Variants in ASIC2 observed in about 807,000 individuals in gnomAD.
ASIC2 encodes acid sensing ion channel subunit 2.
A neutral mutation model predicts 57.3 loss-of-function variants in ASIC2; 25 were observed. That is an observed-to-expected ratio of 0.44 (90% confidence interval 0.32 to 0.61). The LOEUF (loss-of-function observed/expected upper bound fraction) is 0.61. Among genes scored for constraint, ASIC2 ranks in the 20% least tolerant of loss-of-function variants. ASIC2 has a pLI of 0.06. For missense variants in ASIC2, 641 were observed against 738.1 expected (o/e 0.87, Z 1.52); for synonymous variants, 319 against 307.5 (o/e 1.04, Z -0.39).
In ASIC2 at chr17:33,132,461, TG is replaced by T. The variant is rs1197886066; in HGVS notation, c.709-20395del. Reference sequence around the variant, plus strand: ...TAACATTCAAGCAGAGTGAGGTGGCTGGGGGCCAGTTGTTTTCAGGTCCCCC... The same window carrying T: ...TAACATTCAAGCAGAGTGAGGTGGCTGGGGCCAGTTGTTTTCAGGTCCCCC... On this transcript the variant is annotated intron_variant, in intron 1 of 9. Coordinates refer to ENST00000225823, the MANE Select transcript of ASIC2 (RefSeq NM_183377.2). 2.6e-5 allele frequency among the ~76,000 whole-genome samples: 4 copies of T among 152,158 alleles called. No homozygotes were observed. The East Asian group carries it at 7.7e-4, about 29-fold the overall frequency.
At chr17:33,850,042 C>T (rs1271987983) in intron 1 of ASIC2, among the ~76,000 whole-genome samples, 1 of 152,204 alleles carries the variant, frequency 6.6e-6, no homozygotes, top group Non-Finnish European at 1.5e-5. Flanking sequence ...GAGGGGGAAA[C>T]ACATCCCGAA....
chr17:33,127,096 C>T (rs976419673), intron 1 of ASIC2, among the ~76,000 whole-genome samples: 3 of 151,562 alleles, frequency 2.0e-5, no homozygotes, highest in African/African-American at 4.9e-5. Context: ...GTCTCGATCT[C>T]CTGACCTCAT....
chr17:33,505,973 T>C (rs1914237798), intron 1 of ASIC2, among the ~76,000 whole-genome samples: 1 of 152,204 alleles, frequency 6.6e-6, no homozygotes, highest in South Asian at 2.1e-4. Context: ...TTTTTAAAAA[T>C]CTCTGCATAT....
chr17:33,484,742 G>T (rs1290662769), intron 1 of ASIC2, among the ~76,000 whole-genome samples: 1 of 152,184 alleles, frequency 6.6e-6, no homozygotes, highest in African/African-American at 2.4e-5. Flanking sequence ...GGTAGAAGCA[G>T]CTTTCCACAA....
chr17:33,736,347 A>G (rs1047168584), intron 1 of ASIC2, among the ~76,000 whole-genome samples: 5 of 152,136 alleles, frequency 3.3e-5, no homozygotes, highest in African/African-American at 1.2e-4. Context: ...TACTCTATGA[A>G]TTTATGAAAA....
intron 1 of ASIC2, among the ~76,000 whole-genome samples, chr17:33,628,888 A>C (rs945183922): frequency 6.6e-6 from 1 of 152,190 alleles, no homozygotes; most frequent in Non-Finnish European, 1.5e-5. Flanking sequence ...CCTGATACCA[A>C]ATCCCATGCT....
intron 1 of ASIC2, among the ~76,000 whole-genome samples, chr17:34,109,267 CT>C (rs1911182557): frequency 6.6e-6 from 1 of 152,046 alleles, no homozygotes; most frequent in African/African-American, 2.4e-5. Flanking sequence ...ACGTATAGCT[CT>C]AGTTCATTTA....
At chr17:33,086,899 T>G (rs2092136103) in intron 3 of ASIC2, among the ~76,000 whole-genome samples, 1 of 152,124 alleles carries the variant, frequency 6.6e-6, no homozygotes. Flanking sequence ...TTTATGATTT[T>G]TTTACTTCTC....
At chr17:33,821,576 A>G (rs1035421021) in intron 1 of ASIC2, among the ~76,000 whole-genome samples, 2 of 152,230 alleles carry the variant, frequency 1.3e-5, no homozygotes, top group Admixed American at 6.5e-5. Context: ...GTGCTGCCAC[A>G]AGTCAAACAA....
chr17:33,141,982 CTA>C (rs1465383857), intron 1 of ASIC2, among the ~76,000 whole-genome samples: 1 of 152,142 alleles, frequency 6.6e-6, no homozygotes, highest in African/African-American at 2.4e-5. Flanking sequence ...GAAATCGTAT[CTA>C]TGTTTGCAGA....
chr17:33,031,020 T>C (rs949578665), intron 3 of ASIC2, among the ~76,000 whole-genome samples: 1 of 152,192 alleles, frequency 6.6e-6, no homozygotes. Context: ...TGTGCTGACC[T>C]CATAAAATTA....
intron 1 of ASIC2, among the ~76,000 whole-genome samples, chr17:33,932,362 G>C (rs1187763628): frequency 6.6e-6 from 1 of 152,098 alleles, no homozygotes; most frequent in Non-Finnish European, 1.5e-5. Flanking sequence ...TGTTTATATT[G>C]ATTGCATGTG....
chr17:33,182,855 C>T lies in ASIC2; in HGVS notation c.709-70788G>A, dbSNP rs139300197. On this transcript the variant is annotated intron_variant, in intron 1 of 9. Coordinates refer to ENST00000225823, the MANE Select transcript of ASIC2 (RefSeq NM_183377.2). ...AAGTAAATTCGTTCCCGCCCAAACT[C>T]GCCCAGGTTTCCAACAAAATCCTTA... 2.3e-3 allele frequency among the ~76,000 whole-genome samples: 344 copies of T among 152,256 alleles called. 3 individuals are homozygous for T. Among genetic ancestry groups the T allele is most frequent in the African/African-American group, 7.9e-3 (329 of 41,548 alleles).
intron 1 of ASIC2, among the ~76,000 whole-genome samples, chr17:33,815,410 C>T (rs1198154230): frequency 6.6e-6 from 1 of 152,192 alleles, no homozygotes; most frequent in African/African-American, 2.4e-5. Context: ...CTCATGAAAA[C>T]CCTGGGCTGT....
At chr17:33,977,740 C>T (rs73276677) in intron 1 of ASIC2, among the ~76,000 whole-genome samples, 1,941 of 152,252 alleles carry the variant, frequency 0.013, 42 homozygotes, top group African/African-American at 0.044. Context: ...TCGATTCTAC[C>T]TGAGTATACG....
At chr17:33,520,778 G>C (rs1456514073) in intron 1 of ASIC2, among the ~76,000 whole-genome samples, 6 of 152,218 alleles carry the variant, frequency 3.9e-5, no homozygotes, top group Non-Finnish European at 4.4e-5. Flanking sequence ...TCCTGTCTTG[G>C]AGTTCTGAGA....
intron 1 of ASIC2, among the ~76,000 whole-genome samples, chr17:33,208,483 C>A (rs2275): frequency 0.4 from 60,444 of 151,650 alleles, 12,548 homozygotes; most frequent in Non-Finnish European, 0.44. Context: ...TTCTTGCTGG[C>A]ACTTTGCCTG....
At chr17:33,956,180 C>A (rs1031248622) in intron 1 of ASIC2, among the ~76,000 whole-genome samples, 2 of 152,136 alleles carry the variant, frequency 1.3e-5, no homozygotes, top group African/African-American at 2.4e-5. Context: ...AATGCTTGGG[C>A]AGTGATCCAA....
intron 1 of ASIC2, among the ~76,000 whole-genome samples, chr17:33,909,800 C>T (rs1305661887): frequency 6.6e-6 from 1 of 152,158 alleles, no homozygotes; most frequent in Non-Finnish European, 1.5e-5. Flanking sequence ...AGAGCCTATA[C>T]CCTAATAAGG....
Sources: allele counts gnomAD v4.1 joint callset (sites outside exome capture counted in the v4.1 genomes callset), GRCh38; gene constraint gnomAD v4.1.1; transcripts MANE v1.5; gene names NCBI Gene and HGNC (gene_info 2026-07-23, HGNC 2026-07-21).